Variants in SCN2A observed in about 807,000 individuals in gnomAD.
The protein encoded by SCN2A is sodium channel protein type 2 subunit alpha.
SCN2A carries 20 observed loss-of-function variants against 188.7 expected under a neutral mutation model. The ratio of observed to expected loss-of-function variants is 0.11; its 90% CI spans 0.07 to 0.15. SCN2A has a LOEUF of 0.15. SCN2A is among the 10% of genes least tolerant of loss of function. SCN2A has a pLI of 1.00. For missense variants in SCN2A, 1,278 were observed against 2,445.0 expected (o/e 0.52, Z 10.07); for synonymous variants, 804 against 833.1 (o/e 0.97, Z 0.60).
intron 21 of SCN2A, among the ~76,000 whole-genome samples, 188 bp from the exon 22 acceptor site, chr2:165,374,497 C>T (rs572690385): frequency 5.3e-5 from 8 of 151,992 alleles, no homozygotes; most frequent in Non-Finnish European, 8.8e-5. Context: ...ATATAAAATT[C>T]GTTGTATACT....
rs1363502783 is a variant in SCN2A at position 165,389,204 on chromosome 2, G to A, written c.5398G>A (p.Glu1800Lys). The A allele has an allele frequency of 1.2e-6, 2 of 1,613,938 alleles. No individual in the cohort carries two copies. The highest frequency in any genetic ancestry group is 1.3e-5 in the African/African-American group (1 of 74,890). The change falls in exon 27 of 27, where the codon GAG becomes AAG. Residue 1800 changes from glutamate (E) to lysine (K), a missense_variant. Glu to Lys is a moderately conservative substitution (Grantham distance 56, BLOSUM62 1). Coordinates refer to ENST00000375437, the MANE Select transcript of SCN2A (RefSeq NM_001040142.2). This position sits in a 1 kb window ranked among gnomAD's most constrained non-coding sequence, Gnocchi z 4.2. ...LSEDDFEMFY[E>K]VWEKFDPDAT... is the part of the protein sequence containing the mutation. ...TGAGGATGACTTTGAGATGTTCTAT[G>A]AGGTTTGGGAGAAGTTTGATCCCGA...
At chr2:165,295,492 C>G (rs907540737) in intron 1 of SCN2A, among the ~76,000 whole-genome samples, 4 of 152,216 alleles carry the variant, frequency 2.6e-5, no homozygotes, top group African/African-American at 9.7e-5. Context: ...TTTCTGAGCT[C>G]TGAATTGCAT....
At chr2:165,269,377 A>T (rs1439530031) in intron 1 of SCN2A, 1 of 152,062 alleles carries the variant, frequency 6.6e-6, no homozygotes, top group African/African-American at 2.4e-5. Context: ...GGTTTTAGCC[A>T]CCAAGCAAAC....
At chr2:165,388,543 T>C (rs1338241808) in intron 26 of SCN2A, 86 bp from the exon 27 acceptor site, 3 of 1,574,840 alleles carry the variant, frequency 1.9e-6, no homozygotes, top group Non-Finnish European at 2.6e-6. Context: ...CCTGTTCACA[T>C]TTTGTAAAAC....
In SCN2A at chr2:165,281,676, C is replaced by T. The variant is rs141425054; in HGVS notation, c.-51-14097C>T. The stretch of plus-strand genomic sequence containing the variant: ...CAGAATAGTGACTCGACTGTTTTTG[C>T]GTTTCAAAGGAATCTGGCTACCACA... On this transcript the variant is annotated intron_variant, in intron 1 of 26. Transcript: ENST00000375437. Among the ~76,000 whole-genome samples the T allele has an allele frequency of 3.1e-3, 471 of 152,102 alleles. 4 individuals are homozygous for T. The highest frequency in any genetic ancestry group is 0.011 in the African/African-American group (440 of 41,490).
chr2:165,341,388 C>T (rs1279830643), intron 14 of SCN2A, among the ~76,000 whole-genome samples: 1 of 152,162 alleles, frequency 6.6e-6, no homozygotes, highest in Non-Finnish European at 1.5e-5. Context: ...CCACCGCGCC[C>T]GGCCCACAGT....
intron 1 of SCN2A, among the ~76,000 whole-genome samples, chr2:165,279,148 T>C (rs1330394952): frequency 6.6e-6 from 1 of 152,004 alleles, no homozygotes; most frequent in Non-Finnish European, 1.5e-5. Context: ...TCCCAATAAT[T>C]TGATTCAAAA....
intron 1 of SCN2A, among the ~76,000 whole-genome samples, chr2:165,283,216 T>C (rs1219807025): frequency 1.3e-5 from 2 of 152,152 alleles, no homozygotes; most frequent in African/African-American, 4.8e-5. Flanking sequence ...ATGGTATAAA[T>C]TTCTAAGGAA....
chr2:165,300,213 T>C (rs944983875), intron 3 of SCN2A, among the ~76,000 whole-genome samples: 2 of 152,214 alleles, frequency 1.3e-5, no homozygotes, highest in African/African-American at 2.4e-5. Context: ...TAAGTTAATA[T>C]ATGCACACTC....
intron 20 of SCN2A, chr2:165,370,538 A>G: frequency 2.4e-6 from 1 of 423,256 alleles, no homozygotes; most frequent in Non-Finnish European, 4.2e-6. Flanking sequence ...TCAAATTAAT[A>G]TTTAAAATCT....
chr2:165,384,975 A>T (rs947937097), intron 25 of SCN2A, among the ~76,000 whole-genome samples: 3 of 152,176 alleles, frequency 2.0e-5, no homozygotes, highest in Non-Finnish European at 4.4e-5. Context: ...AATAATTAAT[A>T]AGGAAGGGTT....
intron 1 of SCN2A, among the ~76,000 whole-genome samples, chr2:165,247,320 A>C (rs1449826434): frequency 2.0e-5 from 3 of 152,078 alleles, no homozygotes; most frequent in Non-Finnish European, 4.4e-5. Flanking sequence ...ATAATACTTA[A>C]TGAAAGTGTT....
intron 26 of SCN2A, among the ~76,000 whole-genome samples, chr2:165,387,992 A>G (rs375834978): frequency 6.6e-6 from 1 of 152,118 alleles, no homozygotes; most frequent in African/African-American, 2.4e-5. Context: ...TTTCTGTAAA[A>G]TGTTATTGTG....
intron 20 of SCN2A, chr2:165,371,775 G>A (rs1701041971): frequency 6.6e-6 from 1 of 152,182 alleles, no homozygotes; most frequent in South Asian, 2.1e-4. Flanking sequence ...TTACATATAG[G>A]GAAGTGACAA....
chr2:165,291,498 TCTTTCTTTCTTTCTTC>T (rs1696169441), intron 1 of SCN2A, among the ~76,000 whole-genome samples: 18 of 129,786 alleles, frequency 1.4e-4, no homozygotes, highest in African/African-American at 4.9e-4. Context: ...TTCTTTTCTT[TCTTTCTTTCTTTCTTC>T]CTCTCCTTTC....
intron 16 of SCN2A, among the ~76,000 whole-genome samples, chr2:165,349,224 C>T (rs1050174792): frequency 6.6e-6 from 1 of 152,178 alleles, no homozygotes; most frequent in African/African-American, 2.4e-5. Context: ...TTTATGACAA[C>T]ATGAATGATC....
intron 1 of SCN2A, among the ~76,000 whole-genome samples, chr2:165,264,687 T>G (rs1694759130): frequency 6.6e-6 from 1 of 152,094 alleles, no homozygotes. Flanking sequence ...TCTCATCATT[T>G]AGCTCCTACT....
Position 165,323,466 on chromosome 2 carries a change from C to T in SCN2A, c.1982C>T (p.Ser661Phe). The change falls in exon 12 of 27, where the codon TCT becomes TTT. Residue 661 changes from serine (S) to phenylalanine (F), a missense_variant. Physicochemically the swap from Ser to Phe is radical, Grantham distance 155. Transcript: ENST00000375437. Reference sequence around the variant, plus strand: ...GTGGTCTCCCTGGTCGGGGGCCCTTCTACCCTCACATCTGCTGGGCAGCTC... The same window carrying T: ...GTGGTCTCCCTGGTCGGGGGCCCTTTTACCCTCACATCTGCTGGGCAGCTC... The part of the protein sequence containing the change: ...NGVVSLVGGP[S>F]TLTSAGQLLP... 1 of 1,613,822 alleles carries T rather than the reference C, an allele frequency of 6.2e-7. No homozygotes were observed. The highest frequency in any genetic ancestry group is 8.5e-7 in the Non-Finnish European group (1 of 1,179,874).
intron 26 of SCN2A, 140 bp downstream of exon 26, chr2:165,387,156 T>C: frequency 2.3e-6 from 2 of 862,470 alleles, no homozygotes; most frequent in Non-Finnish European, 3.6e-6. Flanking sequence ...TGTTTTAGTT[T>C]TAGTTTGCCA....
Sources: allele counts gnomAD v4.1 joint callset (sites outside exome capture counted in the v4.1 genomes callset), GRCh38; gene constraint gnomAD v4.1.1; non-coding constraint Gnocchi (gnomAD v3.1); transcripts MANE v1.5; gene names NCBI Gene and HGNC (gene_info 2026-07-23, HGNC 2026-07-21).